Variants in HTR4 observed in about 807,000 individuals in gnomAD.
HTR4 encodes 5-hydroxytryptamine receptor 4.
HTR4 carries 16 observed loss-of-function variants against 36.8 expected under a neutral mutation model. The observed-to-expected ratio is 0.43, with a 90% CI of 0.29 to 0.66. The LOEUF is 0.66. Ranked by LOEUF, HTR4 falls within the 30% of genes least tolerant of loss-of-function variation. The probability of loss-of-function intolerance (pLI) is 0.13; values close to 1 mark genes in which losing one functional copy is unlikely to be tolerated. For synonymous variants in HTR4, 189 were observed against 185.1 expected, an observed-to-expected ratio of 1.02 and a Z score of -0.17; for missense variants, 438 against 490.9, an observed-to-expected ratio of 0.89 and a Z score of 1.02.
chr5:148,516,312 C>CTTTTTTTT (rs954784476), intron 5 of HTR4, among the ~76,000 whole-genome samples: 144 of 76,470 alleles, frequency 1.9e-3, no homozygotes, highest in Admixed American at 2.1e-3. Flanking sequence ...ATTCCCCCCT[C>CTTTTTTTT]TTTTTTTTTT....
intron 5 of HTR4, among the ~76,000 whole-genome samples, chr5:148,514,240 T>C (rs913704436): frequency 1.3e-5 from 2 of 152,134 alleles, no homozygotes; most frequent in African/African-American, 4.8e-5. Context: ...ATAAATTGTA[T>C]GTCAATGCCC....
chr5:148,477,996 G>A (rs1452421462), downstream of HTR4, among the ~76,000 whole-genome samples: 1 of 151,966 alleles, frequency 6.6e-6, no homozygotes, highest in Non-Finnish European at 1.5e-5. Context: ...TCTCTTTATA[G>A]CACATATCAG....
intron 5 of HTR4, among the ~76,000 whole-genome samples, chr5:148,465,574 G>A (rs1755405328): frequency 6.6e-6 from 1 of 152,152 alleles, no homozygotes; most frequent in South Asian, 2.1e-4. Flanking sequence ...GGTGATTTCA[G>A]CTCCATCGCA....
Position 148,644,346 on chromosome 5 carries a change from C to T in HTR4, c.-47-7285G>A, listed in dbSNP as rs1442859690. Among the ~76,000 whole-genome samples the T allele has an allele frequency of 3.2e-4, 46 of 145,560 alleles. No homozygotes were observed. In the Admixed American group the frequency reaches 3.2e-3, roughly 10 times the overall value. On this transcript the variant is annotated intron_variant, in intron 1 of 6. Coordinates refer to ENST00000377888, the MANE Select transcript of HTR4 (RefSeq NM_000870.7). Reference sequence around the variant, plus strand: ...TTGACTAAAAGGATTCAAATAGGTGCTAGTTTTTCTATGAAAACCCTCCTG... The same window carrying T: ...TTGACTAAAAGGATTCAAATAGGTGTTAGTTTTTCTATGAAAACCCTCCTG...
intron 2 of HTR4, among the ~76,000 whole-genome samples, chr5:148,607,646 C>G (rs973508701): frequency 6.6e-6 from 1 of 152,116 alleles, no homozygotes; most frequent in Admixed American, 6.5e-5. Context: ...CCAATTGGAG[C>G]ACTAAGTTTC....
chr5:148,559,289 G>T lies in HTR4; in HGVS notation c.27-9027C>A, dbSNP rs111349183. On this transcript the variant is annotated intron_variant, in intron 2 of 6. Coordinates refer to ENST00000377888, the MANE Select transcript of HTR4 (RefSeq NM_000870.7). The stretch of plus-strand genomic sequence containing the variant: ...AAAAATTCTTAAGTCAAACCATCAT[G>T]TCGGGGACCATCTGTAATTGTATGT... 3.7e-3 allele frequency among the ~76,000 whole-genome samples: 567 copies of T among 152,290 alleles called. 2 individuals are homozygous for T. The highest frequency in any genetic ancestry group is 0.013 in the African/African-American group (545 of 41,554).
rs200242169 is a variant in HTR4 at position 148,482,420 on chromosome 5, A to G, written c.*783T>C. 884 of 985,678 alleles carry G rather than the reference A, an allele frequency of 9.0e-4. 3 individuals carry two copies. The highest frequency in any genetic ancestry group is 8.9e-4 in the Non-Finnish European group (737 of 830,136). The allele number at this position is 985,678 out of a possible 1,614,324, so 61.1% of individuals were successfully genotyped here. On this transcript the variant is annotated 3_prime_UTR_variant, in exon 7 of 7. Transcript: ENST00000377888. Reference sequence around the variant, plus strand: ...GCGAGCATCTCAGGGCAGACACGCCAGCGGCCAGGACACCAGGAGGAAGCT... The same window carrying G: ...GCGAGCATCTCAGGGCAGACACGCCGGCGGCCAGGACACCAGGAGGAAGCT...
chr5:148,517,187 C>T (rs1384771789), intron 5 of HTR4, among the ~76,000 whole-genome samples: 1 of 152,170 alleles, frequency 6.6e-6, no homozygotes, highest in African/African-American at 2.4e-5. Flanking sequence ...TGTTTTAAGG[C>T]ATATTTGCTT....
chr5:148,652,985 C>T (rs374111584), intron 1 of HTR4, among the ~76,000 whole-genome samples: 6 of 152,090 alleles, frequency 3.9e-5, no homozygotes, highest in Admixed American at 2.6e-4. Context: ...TTCAGGGCAC[C>T]GCATCCACCA....
At chr5:148,491,999 T>C (rs999317351) in intron 6 of HTR4, among the ~76,000 whole-genome samples, 11 of 152,218 alleles carry the variant, frequency 7.2e-5, no homozygotes, top group African/African-American at 2.7e-4. Context: ...GGCTGTAATG[T>C]GCAGCCAGGG....
intron 5 of HTR4, among the ~76,000 whole-genome samples, chr5:148,459,236 G>C (rs548867930): frequency 6.6e-5 from 10 of 152,210 alleles, no homozygotes; most frequent in African/African-American, 1.4e-4. Flanking sequence ...AAGAACTCGA[G>C]GGGGGAGGGC....
intron 6 of HTR4, chr5:148,490,959 T>C (rs1756395966): frequency 2.5e-6 from 1 of 402,408 alleles, no homozygotes; most frequent in African/African-American, 2.1e-5. Context: ...GAGAAAATCA[T>C]GGCATTTACC....
intron 3 of HTR4, among the ~76,000 whole-genome samples, chr5:148,549,752 G>A (rs1305890922): frequency 6.6e-6 from 1 of 150,600 alleles, no homozygotes; most frequent in Non-Finnish European, 1.5e-5. Context: ...CCAGGGTTGA[G>A]ACTGATGAAG....
At chr5:148,627,170 C>T (rs1490642633) in intron 2 of HTR4, among the ~76,000 whole-genome samples, 1 of 152,162 alleles carries the variant, frequency 6.6e-6, no homozygotes. Flanking sequence ...TCTTGTCAAC[C>T]CTGTAACCCT....
chr5:148,505,902 T>C (rs1379020698), intron 6 of HTR4, among the ~76,000 whole-genome samples: 2 of 152,310 alleles, frequency 1.3e-5, no homozygotes, highest in African/African-American at 2.4e-5. Context: ...GGACATTCCA[T>C]GCTCATGGAT....
chr5:148,624,803 G>T (rs1753035695), intron 2 of HTR4, among the ~76,000 whole-genome samples: 1 of 151,940 alleles, frequency 6.6e-6, no homozygotes, highest in South Asian at 2.1e-4. Flanking sequence ...TTCTATGATG[G>T]GCCTTCAATG....
chr5:148,532,893 G>A (rs1209610775), intron 4 of HTR4, among the ~76,000 whole-genome samples: 1 of 152,130 alleles, frequency 6.6e-6, no homozygotes, highest in Non-Finnish European at 1.5e-5. Context: ...CCAATAATTT[G>A]CATTTTTGAT....
intron 2 of HTR4, among the ~76,000 whole-genome samples, chr5:148,570,755 T>C (rs960404562): frequency 1.3e-5 from 2 of 152,114 alleles, no homozygotes; most frequent in South Asian, 4.1e-4. Context: ...GGTGACATGA[T>C]TAGATTTGCA....
At chr5:148,508,020 C>T (rs1013471094) in intron 6 of HTR4, among the ~76,000 whole-genome samples, 2 of 152,164 alleles carry the variant, frequency 1.3e-5, no homozygotes, top group African/African-American at 4.8e-5. Context: ...GAAACCACAA[C>T]ACCATGCTAG....
Sources: allele counts gnomAD v4.1 joint callset (sites outside exome capture counted in the v4.1 genomes callset), GRCh38; gene constraint gnomAD v4.1.1; transcripts MANE v1.5; gene names NCBI Gene and HGNC (gene_info 2026-07-23, HGNC 2026-07-21).